Variants in TPM3 observed in about 807,000 individuals in gnomAD.
TPM3 encodes tropomyosin alpha-3 chain.
Under a neutral mutation model 43.1 loss-of-function variants are expected in TPM3, and 16 were observed. That is an observed-to-expected ratio of 0.37 (90% CI 0.25 to 0.56). TPM3 has a LOEUF of 0.56. Among genes scored for constraint, TPM3 ranks in the 20% least tolerant of loss-of-function variants. The pLI is 0.77. For missense variants in TPM3, 176 were observed against 337.2 expected, an observed-to-expected ratio of 0.52 and a Z score of 3.74; for synonymous variants, 101 against 116.9, an observed-to-expected ratio of 0.86 and a Z score of 0.88.
Position 154,191,331 on chromosome 1 carries a change from C to G in TPM3, c.118-20G>C, listed in dbSNP as rs1558068619. The G allele has an allele frequency of 6.8e-6, 11 of 1,613,510 alleles. No individual in the cohort carries two copies. Among genetic ancestry groups the G allele is most frequent in the Non-Finnish European group, 7.6e-6 (9 of 1,180,018 alleles). ...CTCCAGCTATAGGAGCCCAGAGAGT[C>G]ACACACAAAAACACACAAACACAAC... On this transcript the variant is annotated intron_variant, in intron 1 of 9. Coordinates refer to ENST00000651641, the MANE Select transcript of TPM3 (RefSeq NM_152263.4).
At chr1:154,174,268 G>C (rs2148247090) in intron 3 of TPM3, among the ~76,000 whole-genome samples, 1 of 150,254 alleles carries the variant, frequency 6.7e-6, no homozygotes, top group Admixed American at 6.6e-5. Flanking sequence ...CCGGGAGGTG[G>C]AGGTTGCAGT....
At chr1:154,171,930 A>G in intron 5 of TPM3, 2 of 1,262,292 alleles carry the variant, frequency 1.6e-6, no homozygotes, top group Non-Finnish European at 2.3e-6. Flanking sequence ...GACAGCACTC[A>G]ACAAAATCAA....
chr1:154,158,514 A>T, downstream of TPM3: 1 of 341,974 alleles, frequency 2.9e-6, no homozygotes, highest in Non-Finnish European at 5.5e-6. Context: ...ACACAGACCC[A>T]TATTCATATC....
intron 2 of TPM3, among the ~76,000 whole-genome samples, chr1:154,176,501 G>C (rs1469761283): frequency 6.6e-6 from 1 of 152,020 alleles, no homozygotes; most frequent in Non-Finnish European, 1.5e-5. Flanking sequence ...GCCCAGCCCA[G>C]TGAGTTAGTA....
chr1:154,178,811 TCTTCC>T (rs1662631030), intron 2 of TPM3, among the ~76,000 whole-genome samples: 1 of 152,208 alleles, frequency 6.6e-6, no homozygotes. Flanking sequence ...ACTCTGTGGT[TCTTCC>T]CTTCAAGTAA....
intron 1 of TPM3, 131 bp from the exon 2 acceptor site, chr1:154,191,442 C>T: frequency 6.7e-7 from 1 of 1,493,566 alleles, no homozygotes; most frequent in Non-Finnish European, 9.1e-7. Context: ...TCTCCCCAGC[C>T]ACTTCCAGCC....
chr1:154,191,629 C>G, intron 1 of TPM3: 1 of 1,415,316 alleles, frequency 7.1e-7, no homozygotes, highest in Non-Finnish European at 9.2e-7. Context: ...GAACTCTTAC[C>G]TTTTCCTCTA....
chr1:154,171,535 A>G, intron 5 of TPM3, 47 bp from the exon 6 acceptor site: 1 of 1,600,628 alleles, frequency 6.2e-7, no homozygotes, highest in Non-Finnish European at 8.6e-7. Context: ...GAAAAGGAAG[A>G]GAATAAAAAA....
chr1:154,174,098 C>T (rs12070842), intron 3 of TPM3, among the ~76,000 whole-genome samples: 20,118 of 151,266 alleles, frequency 0.13, 2,334 homozygotes, highest in African/African-American at 0.31. Flanking sequence ...TTTGGGAGGC[C>T]GAAGCCGGCA....
intron 3 of TPM3, among the ~76,000 whole-genome samples, chr1:154,174,413 C>CACACAA (rs1252726316): frequency 1.6e-5 from 1 of 64,234 alleles, no homozygotes; most frequent in African/African-American, 5.2e-5. Flanking sequence ...TATATACACA[C>CACACAA]AAAAATCCCA....
intron 2 of TPM3, among the ~76,000 whole-genome samples, chr1:154,184,634 G>T (rs1237921974): frequency 6.6e-6 from 1 of 152,202 alleles, no homozygotes; most frequent in Non-Finnish European, 1.5e-5. Context: ...ACCACTGTCA[G>T]CCGGGCGGGG....
In TPM3 at chr1:154,167,870, G is replaced by T; in HGVS notation, c.*67C>A. ...CTGACCCAAATGGAATCCAGAGCGA[G>T]AGTGGGGCCTTGGGTTCCCCGAGGA... On this transcript the variant is annotated 3_prime_UTR_variant, in exon 10 of 10. Coordinates refer to ENST00000651641, the MANE Select transcript of TPM3 (RefSeq NM_152263.4). 1 of 1,613,858 alleles carries T rather than the reference G, an allele frequency of 6.2e-7. No individual in the cohort carries two copies. The highest frequency in any genetic ancestry group is 1.1e-5 in the South Asian group (1 of 91,068).
At chr1:154,176,442 C>T (rs1204827243) in intron 2 of TPM3, among the ~76,000 whole-genome samples, 194 bp from the exon 3 acceptor site, 3 of 152,056 alleles carry the variant, frequency 2.0e-5, no homozygotes, top group East Asian at 1.9e-4. Flanking sequence ...TTCCCATCAA[C>T]GAACTCCCAT....
rs1392609736 is a variant in TPM3, at chr1:154,165,840, A to T, written c.*2097T>A. Among the ~76,000 whole-genome samples the T allele has an allele frequency of 6.6e-6, 1 of 152,144 alleles. No individual in the cohort carries two copies. Among genetic ancestry groups the T allele is most frequent in the Non-Finnish European group, 1.5e-5 (1 of 68,026 alleles). The stretch of plus-strand genomic sequence containing the variant: ...GAAAAAAGTTTTAACATGTTTATGA[A>T]GTACCCATTACATGCCTTCTTCCAT... On this transcript the variant is annotated 3_prime_UTR_variant, in exon 10 of 10. Transcript: ENST00000651641.
chr1:154,166,748 C>G lies in TPM3; in HGVS notation c.*1189G>C. The stretch of plus-strand genomic sequence containing the variant: ...CCAGGCTGGAATGCAGTGGCGCGAT[C>G]TCCGCTCACTGCAACCTCCGCCTCC... On this transcript the variant is annotated 3_prime_UTR_variant, in exon 10 of 10. Transcript: ENST00000651641. 1 of 943,160 alleles carries G rather than the reference C, an allele frequency of 1.1e-6. No homozygotes were observed. Among genetic ancestry groups the G allele is most frequent in the Non-Finnish European group, 1.3e-6 (1 of 792,540 alleles). 58.4% of individuals were successfully genotyped at this position (943,160 alleles called of 1,614,324 possible).
rs1055703582 is a variant in TPM3 at position 154,166,659 on chromosome 1, T to C, written c.*1278A>G. ...AATTCACAGCTATACTATTAAGAAA[T>C]CTCTGCTGTGTAAATTGGAATGCGA... On this transcript the variant is annotated 3_prime_UTR_variant, in exon 10 of 10. Transcript: ENST00000651641. The C allele has an allele frequency of 5.8e-6, 6 of 1,029,140 alleles. No homozygotes were observed. Among genetic ancestry groups the C allele is most frequent in the Non-Finnish European group, 7.0e-6 (6 of 856,672 alleles). 63.8% of individuals were successfully genotyped at this position (1,029,140 alleles called of 1,614,324 possible). A position where few individuals can be genotyped will look rare whatever the true frequency, so the allele number is the denominator to read the frequency against.
chr1:154,167,231 T>TA lies in TPM3; in HGVS notation c.*705dup, dbSNP rs1447916583. 1.3e-5 allele frequency: 12 copies of TA among 924,036 alleles called. No homozygotes were observed. Among genetic ancestry groups the TA allele is most frequent in the Admixed American group, 6.2e-5 (1 of 16,146 alleles). 57.2% of individuals were successfully genotyped at this position (924,036 alleles called of 1,614,324 possible). ...TAAGAAAGGTTTAAAGAAGAAAAAGTAAAAAAACCGTCCAGAATTCTATCC... is the reference window on the plus strand; with the variant it reads ...TAAGAAAGGTTTAAAGAAGAAAAAGTAAAAAAAACCGTCCAGAATTCTATCC... On this transcript the variant is annotated 3_prime_UTR_variant, in exon 10 of 10. Transcript: ENST00000651641.
rs1004920032 is a variant in TPM3 at position 154,164,809 on chromosome 1, G to C, written c.*3128C>G. Among the ~76,000 whole-genome samples the C allele has an allele frequency of 6.6e-6, 1 of 152,198 alleles. No homozygotes were observed. Among genetic ancestry groups the C allele is most frequent in the African/African-American group, 2.4e-5 (1 of 41,438 alleles). ...GAATATGGAAAAAGCCATCAAAAAT[G>C]GTAACATAAATGGCTGAAATGTGAG... On this transcript the variant is annotated 3_prime_UTR_variant, in exon 10 of 10. Coordinates refer to ENST00000651641, the MANE Select transcript of TPM3 (RefSeq NM_152263.4).
chr1:154,164,017 A>G lies in TPM3; in HGVS notation c.*3920T>C, dbSNP rs537631795. 7.9e-5 allele frequency among the ~76,000 whole-genome samples: 12 copies of G among 151,434 alleles called. No homozygotes were observed. In the South Asian group the frequency reaches 1.7e-3, roughly 21 times the overall value. ...TACCTGTACCCCATATGGATTCCCAACTCTCTTATGTCAACCTCTCTGCCT... is the reference window on the plus strand; with the variant it reads ...TACCTGTACCCCATATGGATTCCCAGCTCTCTTATGTCAACCTCTCTGCCT... On this transcript the variant is annotated 3_prime_UTR_variant, in exon 10 of 10. Coordinates refer to ENST00000651641, the MANE Select transcript of TPM3 (RefSeq NM_152263.4).
Sources: gnomAD v4.1 joint callset for allele counts (sites outside exome capture counted in the v4.1 genomes callset) on GRCh38, gnomAD v4.1.1 for gene constraint, MANE v1.5 for transcripts, NCBI Gene and HGNC (gene_info 2026-07-23, HGNC 2026-07-21) for gene names.